SMAD3: variants seen among roughly 807,000 people sequenced by gnomAD.
SMAD3 encodes SMAD family member 3, also known as MAD homolog 3.
SMAD3 carries 12 observed loss-of-function variants against 51.8 expected under a neutral mutation model. The ratio of observed to expected loss-of-function variants is 0.23; its 90% confidence interval spans 0.15 to 0.38. SMAD3 has a LOEUF of 0.38. Ranked by LOEUF, SMAD3 falls within the 10% of genes least tolerant of loss-of-function variation. The pLI is 1.00. For missense variants in SMAD3, 294 were observed against 565.6 expected (o/e 0.52, Z 4.87); for synonymous variants, 238 against 227.7 (o/e 1.05, Z -0.41).
At chr15:67,075,775 C>T (rs1960153810) in intron 1 of SMAD3, among the ~76,000 whole-genome samples, 1 of 151,986 alleles carries the variant, frequency 6.6e-6, no homozygotes, top group South Asian at 2.1e-4. Context: ...ATTAGCCGGG[C>T]ATGGTAGCGG....
intron 1 of SMAD3, among the ~76,000 whole-genome samples, chr15:67,104,017 G>A (rs945061278): frequency 7.2e-5 from 11 of 152,164 alleles, no homozygotes; most frequent in Non-Finnish European, 1.3e-4. Flanking sequence ...GGAAAGGGGT[G>A]CGTAGCCGAG....
At chr15:67,090,297 T>C (rs1960483445) in intron 1 of SMAD3, among the ~76,000 whole-genome samples, 1 of 152,136 alleles carries the variant, frequency 6.6e-6, no homozygotes, top group African/African-American at 2.4e-5. Context: ...ATCCCAACTT[T>C]CCTGCTGAGT....
At chr15:67,159,836 T>C (rs752024613) in intron 1 of SMAD3, among the ~76,000 whole-genome samples, 3 of 152,274 alleles carry the variant, frequency 2.0e-5, no homozygotes, top group Non-Finnish European at 4.4e-5. Context: ...GATTCATTCA[T>C]AGCGTTGCAT....
chr15:67,184,944 T>C, intron 7 of SMAD3, 80 bp downstream of exon 7: 1 of 1,546,882 alleles, frequency 6.5e-7, no homozygotes, highest in Non-Finnish European at 8.9e-7. Context: ...AGTCCACCTT[T>C]CTCACCTTTT....
intron 1 of SMAD3, among the ~76,000 whole-genome samples, chr15:67,086,864 G>A (rs1054251989): frequency 3.3e-5 from 5 of 151,656 alleles, no homozygotes; most frequent in East Asian, 1.9e-4. Context: ...CAAGTCACTC[G>A]GGTCCCACTA....
chr15:67,113,733 T>C (rs1961074932), intron 1 of SMAD3, among the ~76,000 whole-genome samples: 2 of 152,224 alleles, frequency 1.3e-5, no homozygotes, highest in African/African-American at 4.8e-5. Context: ...GACTGAAATA[T>C]AAGCATATTT....
intron 1 of SMAD3, among the ~76,000 whole-genome samples, chr15:67,140,479 A>C (rs1961788516): frequency 1.3e-5 from 2 of 152,186 alleles, no homozygotes; most frequent in Non-Finnish European, 2.9e-5. Flanking sequence ...CTCTGCTAGG[A>C]GGAAGTTTGA....
chr15:67,150,172 C>T (rs1004431123), intron 1 of SMAD3, among the ~76,000 whole-genome samples: 10 of 152,162 alleles, frequency 6.6e-5, no homozygotes, highest in East Asian at 1.9e-4. Context: ...ACTGCCTCTC[C>T]GCGTGAATGT....
intron 6 of SMAD3, 63 bp downstream of exon 6, chr15:67,181,516 C>T: frequency 7.3e-7 from 1 of 1,361,854 alleles, no homozygotes; most frequent in South Asian, 1.3e-5. Context: ...CCACCCCCAG[C>T]CCCAGGCCTG....
intron 1 of SMAD3, among the ~76,000 whole-genome samples, chr15:67,106,487 C>T (rs1011531922): frequency 4.7e-4 from 72 of 152,134 alleles, no homozygotes; most frequent in African/African-American, 1.5e-3. Flanking sequence ...AACTCTATCC[C>T]CAATACACTC....
chr15:67,098,844 G>C (rs531669319), intron 1 of SMAD3: 9 of 700,504 alleles, frequency 1.3e-5, no homozygotes, highest in Admixed American at 4.0e-5. Flanking sequence ...TCAGCTGGGG[G>C]ATTTGGGGAC....
At chr15:67,120,368 C>T (rs1040938472) in intron 1 of SMAD3, among the ~76,000 whole-genome samples, 1 of 152,194 alleles carries the variant, frequency 6.6e-6, no homozygotes, top group African/African-American at 2.4e-5. Flanking sequence ...AAGTCTTATA[C>T]ACATGCCATG....
intron 1 of SMAD3, among the ~76,000 whole-genome samples, chr15:67,140,122 C>CAA (rs34728056): frequency 4.8e-4 from 71 of 147,158 alleles, no homozygotes; most frequent in East Asian, 1.2e-3. Flanking sequence ...AACTCTGTCT[C>CAA]AAAAAAAAAA....
intron 1 of SMAD3, among the ~76,000 whole-genome samples, chr15:67,102,247 AGTGT>A (rs56983970): frequency 2.0e-5 from 3 of 149,098 alleles, no homozygotes; most frequent in Non-Finnish European, 4.4e-5. Context: ...ATGCTGTGAA[AGTGT>A]GTGTGTGTGT....
chr15:67,083,168 G>C (rs995163567), intron 1 of SMAD3, among the ~76,000 whole-genome samples: 4 of 152,236 alleles, frequency 2.6e-5, no homozygotes, highest in Non-Finnish European at 4.4e-5. Flanking sequence ...GTGCGAGGCT[G>C]GTTCTGTTTG....
intron 1 of SMAD3, among the ~76,000 whole-genome samples, chr15:67,141,095 C>A (rs544901808): frequency 6.6e-6 from 1 of 152,170 alleles, no homozygotes; most frequent in East Asian, 1.9e-4. Context: ...CAGCCCAGAC[C>A]GATCAATTGA....
At chr15:67,071,475 T>C (rs556668364) in intron 1 of SMAD3, among the ~76,000 whole-genome samples, 1 of 152,300 alleles carries the variant, frequency 6.6e-6, no homozygotes, top group South Asian at 2.1e-4. Context: ...ACAGGGACTT[T>C]AGATGTATCA....
At chr15:67,173,171 G>T (rs945398350) in intron 5 of SMAD3, among the ~76,000 whole-genome samples, 7 of 152,126 alleles carry the variant, frequency 4.6e-5, no homozygotes. Flanking sequence ...GTATCCATGC[G>T]CTCAGTCAAC....
At chr15:67,091,418 A>T (rs997114032) in intron 1 of SMAD3, among the ~76,000 whole-genome samples, 2 of 152,212 alleles carry the variant, frequency 1.3e-5, no homozygotes, top group African/African-American at 4.8e-5. Context: ...GTGATACATG[A>T]TGTGACCTCT....
Sources: gnomAD v4.1 joint callset for allele counts (sites outside exome capture counted in the v4.1 genomes callset) on GRCh38, gnomAD v4.1.1 for gene constraint, MANE v1.5 for transcripts, NCBI Gene and HGNC (gene_info 2026-07-23, HGNC 2026-07-21) for gene names.